The following SLC9A9 variants were observed in gnomAD, a reference collection of about 807,000 sequenced individuals.
SLC9A9 encodes the protein sodium/hydrogen exchanger 9.
In SLC9A9, 62 loss-of-function variants were observed where a neutral mutation model predicts 77.8. The ratio of observed to expected loss-of-function variants is 0.80; its 90% CI spans 0.65 to 0.98. The LOEUF is 0.98. Among genes scored for constraint, SLC9A9 ranks in the 50% least tolerant of loss-of-function variants. SLC9A9 has a pLI of 0.00. For synonymous variants in SLC9A9, 320 were observed against 283.5 expected, an observed-to-expected ratio of 1.13 and a Z score of -1.29; for missense variants, 775 against 774.9, an observed-to-expected ratio of 1.00 and a Z score of 0.00.
At chr3:143,677,639 C>G (rs1378590683) in intron 5 of SLC9A9, among the ~76,000 whole-genome samples, 1 of 152,226 alleles carries the variant, frequency 6.6e-6, no homozygotes, top group Non-Finnish European at 1.5e-5. Flanking sequence ...TAAAAGTCCA[C>G]TCTTTCCTGC....
intron 14 of SLC9A9, among the ~76,000 whole-genome samples, chr3:143,296,752 T>A (rs1446250915): frequency 1.3e-5 from 2 of 152,222 alleles, no homozygotes; most frequent in Non-Finnish European, 2.9e-5. Flanking sequence ...GATATCTTAT[T>A]GTGGTTTTGA....
In SLC9A9 at chr3:143,616,086, T is replaced by A. The variant is rs562038228; in HGVS notation, c.755+36169A>T. Reference sequence around the variant, plus strand: ...TTTTCGTAGAGACAGGGTTTCACTATCTTAGCCAGGATGGTCTCGACCTCC... The same window carrying A: ...TTTTCGTAGAGACAGGGTTTCACTAACTTAGCCAGGATGGTCTCGACCTCC... On this transcript the variant is annotated intron_variant, in intron 6 of 15. Coordinates refer to ENST00000316549, the MANE Select transcript of SLC9A9 (RefSeq NM_173653.4). 2.0e-5 allele frequency among the ~76,000 whole-genome samples: 3 copies of A among 152,158 alleles called. No individual in the cohort carries two copies. In the South Asian group the frequency reaches 6.2e-4, roughly 32 times the overall value.
chr3:143,687,436 G>C (rs1368774152), intron 5 of SLC9A9, among the ~76,000 whole-genome samples: 2 of 152,092 alleles, frequency 1.3e-5, no homozygotes. Flanking sequence ...ATTTAGCAGA[G>C]AGTGGGTTCG....
chr3:143,794,036 C>T (rs2008298269), intron 4 of SLC9A9, among the ~76,000 whole-genome samples: 1 of 152,138 alleles, frequency 6.6e-6, no homozygotes, highest in African/African-American at 2.4e-5. Context: ...ATAACATGGC[C>T]TGACTTGTTC....
chr3:143,701,070 G>T (rs140611727), intron 4 of SLC9A9, among the ~76,000 whole-genome samples: 3 of 152,334 alleles, frequency 2.0e-5, no homozygotes, highest in Non-Finnish European at 4.4e-5. Flanking sequence ...GTACCTCTTC[G>T]AGTCTGCAAG....
chr3:143,618,254 T>C (rs745593735), intron 6 of SLC9A9, among the ~76,000 whole-genome samples: 2 of 152,174 alleles, frequency 1.3e-5, no homozygotes, highest in African/African-American at 2.4e-5. Context: ...GGCCAACTGA[T>C]TGAACTTGTG....
intron 14 of SLC9A9, among the ~76,000 whole-genome samples, chr3:143,342,466 T>A (rs977107142): frequency 1.3e-5 from 2 of 152,226 alleles, no homozygotes; most frequent in Non-Finnish European, 2.9e-5. Context: ...AGAAGCTAGA[T>A]GATTCCTCAT....
In SLC9A9 at chr3:143,795,988, C is replaced by A. The variant is rs140537963; in HGVS notation, c.456+838G>T. On this transcript the variant is annotated intron_variant, in intron 3 of 15. Transcript: ENST00000316549. ...AATCAGGTCTGTGATGAACAAGCTGCCTGGCTGCTGAAGATGACTGCTCAA... is the reference window on the plus strand; with the variant it reads ...AATCAGGTCTGTGATGAACAAGCTGACTGGCTGCTGAAGATGACTGCTCAA... 6.3e-3 allele frequency among the ~76,000 whole-genome samples: 952 copies of A among 152,250 alleles called. 15 individuals are homozygous for A. Among genetic ancestry groups the A allele is most frequent in the African/African-American group, 0.02 (841 of 41,544 alleles).
intron 8 of SLC9A9, among the ~76,000 whole-genome samples, chr3:143,556,295 C>T (rs2036979903): frequency 6.6e-6 from 1 of 152,108 alleles, no homozygotes. Flanking sequence ...GCTTTTTGTG[C>T]CAGTCATCAA....
At chr3:143,812,388 A>T (rs553780039) in intron 2 of SLC9A9, among the ~76,000 whole-genome samples, 123 of 152,352 alleles carry the variant, frequency 8.1e-4, no homozygotes, top group Non-Finnish European at 1.6e-3. Flanking sequence ...TTATGATATA[A>T]TTCATAAAAC....
At chr3:143,775,517 G>A (rs925871322) in intron 4 of SLC9A9, among the ~76,000 whole-genome samples, 71 of 152,266 alleles carry the variant, frequency 4.7e-4, no homozygotes, top group African/African-American at 1.7e-3. Flanking sequence ...GTCTTACTGA[G>A]TCAGTTTAAC....
At chr3:143,544,223 T>TTTTTC (rs1253084980) in intron 9 of SLC9A9, among the ~76,000 whole-genome samples, 2 of 152,158 alleles carry the variant, frequency 1.3e-5, no homozygotes, top group Non-Finnish European at 2.9e-5. Context: ...TTTCTTTTTC[T>TTTTTC]TTTTCTTTTC....
intron 4 of SLC9A9, among the ~76,000 whole-genome samples, chr3:143,776,952 T>G (rs2007710201): frequency 6.6e-6 from 1 of 152,230 alleles, no homozygotes; most frequent in Admixed American, 6.5e-5. Flanking sequence ...TACAATATAT[T>G]CTCAATATAA....
intron 12 of SLC9A9, among the ~76,000 whole-genome samples, chr3:143,417,109 G>T (rs2108524439): frequency 6.6e-6 from 1 of 152,230 alleles, no homozygotes; most frequent in Admixed American, 6.5e-5. Flanking sequence ...AGGAGAGAAG[G>T]AAGGGATAGC....
At chr3:143,811,823 C>CTG in intron 2 of SLC9A9, 1 of 414,324 alleles carries the variant, frequency 2.4e-6, no homozygotes, top group Non-Finnish European at 4.8e-6. Context: ...GATTGCATCA[C>CTG]CACACTCCAG....
chr3:143,729,244 C>G (rs1934741989), intron 4 of SLC9A9, among the ~76,000 whole-genome samples: 1 of 152,212 alleles, frequency 6.6e-6, no homozygotes, highest in Admixed American at 6.5e-5. Context: ...TTCTATATCA[C>G]TGTGTTGGCC....
At position 143,467,197 on chromosome 3, in the gene SLC9A9, G is replaced by A; in HGVS notation, c.1316-7C>T. ...GCGATCGCTCCTCGCAAACCTTGCA[G>A]GAAAAACCAAAGGAGAAAATAAATG... On this transcript the variant is annotated splice_region_variant and splice_polypyrimidine_tract_variant and intron_variant, in intron 11 of 15. Transcript: ENST00000316549. 1.2e-6 allele frequency: 2 copies of A among 1,614,100 alleles called. No individual in the cohort carries two copies. Among genetic ancestry groups the A allele is most frequent in the South Asian group, 1.1e-5 (1 of 91,074 alleles).
At chr3:143,274,374 C>G (rs9874055) in intron 14 of SLC9A9, among the ~76,000 whole-genome samples, 31,643 of 152,088 alleles carry the variant, frequency 0.21, 7,240 homozygotes, top group African/African-American at 0.57. Flanking sequence ...ATCAAGAAAT[C>G]TGTAAACAGA....
At chr3:143,549,419 C>G (rs1182475425) in intron 9 of SLC9A9, among the ~76,000 whole-genome samples, 1 of 151,940 alleles carries the variant, frequency 6.6e-6, no homozygotes, top group Non-Finnish European at 1.5e-5. Context: ...CAGAAAATGA[C>G]AGATCCTGAT....
Sources: gnomAD v4.1 joint callset for allele counts (sites outside exome capture counted in the v4.1 genomes callset) on GRCh38, gnomAD v4.1.1 for gene constraint, MANE v1.5 for transcripts, NCBI Gene and HGNC (gene_info 2026-07-23, HGNC 2026-07-21) for gene names.